Variants in ZNF606 observed in about 807,000 individuals in gnomAD.
ZNF606 encodes zinc finger protein 606.
ZNF606 carries 37 observed loss-of-function variants against 74.9 expected under a neutral mutation model. The observed-to-expected ratio is 0.49, with a 90% CI of 0.38 to 0.65. ZNF606 has a LOEUF of 0.65. Ranked by LOEUF, ZNF606 falls within the 30% of genes least tolerant of loss-of-function variation. The pLI, the probability that ZNF606 is intolerant of heterozygous loss-of-function variation, is 0.00. For synonymous variants in ZNF606, 328 were observed against 312.4 expected (o/e 1.05, Z -0.53); for missense variants, 852 against 952.9 (o/e 0.89, Z 1.39).
At chr19:57,987,357 C>T (rs553398836) in intron 6 of ZNF606, among the ~76,000 whole-genome samples, 2 of 152,204 alleles carry the variant, frequency 1.3e-5, no homozygotes, top group Admixed American at 1.3e-4. Context: ...GCAATCCTCA[C>T]CTCAGCCCCC....
In ZNF606 at chr19:57,978,181, T is replaced by C; in HGVS notation, c.*120A>G. ...TTTCTTCTAAGATGATATTTTCTAG[T>C]AAATAATGTGGGAGAAGTCTTACTG... On this transcript the variant is annotated 3_prime_UTR_variant, in exon 7 of 7. Coordinates refer to ENST00000551380, the MANE Select transcript of ZNF606 (RefSeq NM_001348022.3). The surrounding 1 kb of genome is among the most constrained non-coding windows in gnomAD (Gnocchi z 4.4). The C allele has an allele frequency of 2.0e-6, 2 of 1,012,138 alleles. No individual in the cohort carries two copies. Among genetic ancestry groups the C allele is most frequent in the Non-Finnish European group, 2.8e-6 (2 of 719,242 alleles). 62.7% of individuals were successfully genotyped at this position (1,012,138 alleles called of 1,614,324 possible).
chr19:57,989,749 G>T (rs532820557), intron 4 of ZNF606, among the ~76,000 whole-genome samples: 2 of 151,402 alleles, frequency 1.3e-5, no homozygotes, highest in Non-Finnish European at 2.9e-5. Context: ...ACCCAGCTTC[G>T]AGTCCTTTTA....
At chr19:58,001,644 T>C (rs1286636000) in intron 1 of ZNF606, among the ~76,000 whole-genome samples, 1 of 152,180 alleles carries the variant, frequency 6.6e-6, no homozygotes, top group African/African-American at 2.4e-5. Flanking sequence ...GATGGAACTT[T>C]TGGATTAATC....
chr19:57,983,239 T>C (rs2073114209), intron 6 of ZNF606, among the ~76,000 whole-genome samples: 1 of 152,084 alleles, frequency 6.6e-6, no homozygotes, highest in Non-Finnish European at 1.5e-5. Flanking sequence ...TCAGAATCTA[T>C]GTGAAGAGAG....
intron 1 of ZNF606, chr19:58,002,118 C>T (rs771760185): frequency 1.8e-5 from 8 of 454,412 alleles, no homozygotes; most frequent in African/African-American, 8.0e-5. Context: ...AGAATGCAAA[C>T]CGTACTTTGC....
At chr19:57,987,844 A>G (rs1039531652) in intron 6 of ZNF606, among the ~76,000 whole-genome samples, 4 of 152,198 alleles carry the variant, frequency 2.6e-5, no homozygotes, top group Non-Finnish European at 4.4e-5. Flanking sequence ...AACAAACTAA[A>G]AAGCCCAAAA....
At chr19:57,998,584 G>C (rs1172069911) in intron 4 of ZNF606, 1 of 152,066 alleles carries the variant, frequency 6.6e-6, no homozygotes, top group Admixed American at 6.6e-5. Flanking sequence ...ACTACTAATG[G>C]GTACAGGATT....
At chr19:57,999,767 C>T in intron 4 of ZNF606, 41 bp downstream of exon 4, 2 of 1,592,336 alleles carry the variant, frequency 1.3e-6, no homozygotes, top group African/African-American at 1.3e-5. Context: ...CCAGGGATAA[C>T]CTGGACATCA....
At chr19:57,987,916 T>C (rs2073188698) in intron 6 of ZNF606, among the ~76,000 whole-genome samples, 1 of 151,974 alleles carries the variant, frequency 6.6e-6, no homozygotes, top group Non-Finnish European at 1.5e-5. Flanking sequence ...ATACAGGAAA[T>C]AAGGAAAATA....
intron 6 of ZNF606, among the ~76,000 whole-genome samples, chr19:57,980,874 T>C (rs1310173944): frequency 6.7e-6 from 1 of 150,150 alleles, no homozygotes; most frequent in Non-Finnish European, 1.5e-5. Flanking sequence ...AAGAGTTAAC[T>C]CTGCAGGCCT....
At chr19:57,995,232 A>G (rs2073317832) in intron 4 of ZNF606, among the ~76,000 whole-genome samples, 1 of 151,722 alleles carries the variant, frequency 6.6e-6, no homozygotes, top group East Asian at 1.9e-4. Context: ...AAAACCAGGT[A>G]CAATTCTGCT....
Position 57,979,542 on chromosome 19 carries a change from C to T in ZNF606, c.1138G>A (p.Val380Ile). The change falls in exon 7 of 7, where the codon GTC (valine) becomes ATC (isoleucine). Residue 380 changes from valine (V) to isoleucine (I), a missense_variant. By Grantham distance (29) the Val-to-Ile change is conservative (BLOSUM62 3). This residue lies in a region of ZNF606 where 545 missense variants were observed against 542.5 expected (regional missense o/e 1.00). Coordinates refer to ENST00000551380, the MANE Select transcript of ZNF606 (RefSeq NM_001348022.3). ...GTAAGGAAAGAGTCATACCCAAAGA[C>T]TTTCTCCCATTCATTGTATTTATAC... ...KAYKYNEWEKVFGYDSFLTQH... is the reference protein window; with the variant it reads ...KAYKYNEWEKIFGYDSFLTQH... The T allele has an allele frequency of 6.2e-7, 1 of 1,613,104 alleles. No individual in the cohort carries two copies. The highest frequency in any genetic ancestry group is 8.5e-7 in the Non-Finnish European group (1 of 1,179,524).
intron 4 of ZNF606, chr19:57,997,263 A>T (rs999024007): frequency 6.6e-6 from 1 of 152,160 alleles, no homozygotes; most frequent in Non-Finnish European, 1.5e-5. Flanking sequence ...ATGAAATGAG[A>T]TATTATCATT....
chr19:57,999,949 C>G (rs2073393705), intron 3 of ZNF606, 53 bp from the exon 4 acceptor site: 1 of 1,565,900 alleles, frequency 6.4e-7, no homozygotes, highest in South Asian at 1.1e-5. Flanking sequence ...AGGAGCTCAC[C>G]TTTTCTTCTG....
Position 57,978,568 on chromosome 19 carries a change from T to A in ZNF606, c.2112A>T (p.Gly704=). The A allele has an allele frequency of 6.2e-7, 1 of 1,614,136 alleles. No homozygotes were observed. Among genetic ancestry groups the A allele is most frequent in the Non-Finnish European group, 8.5e-7 (1 of 1,180,024 alleles). The stretch of plus-strand genomic sequence containing the variant: ...ATTCATTACACCTGTATGGTTTCTC[T>A]CCAGTATGAGTTCTCCGGTGTGCAA... ...HLIAHRRTHT[G]EKPYRCNECG... The change falls in exon 7 of 7, where the codon GGA becomes GGT. Residue 704 remains glycine, a synonymous_variant. Coordinates refer to ENST00000551380, the MANE Select transcript of ZNF606 (RefSeq NM_001348022.3). The surrounding 1 kb of genome is among the most constrained non-coding windows in gnomAD (Gnocchi z 4.4).
At position 57,978,329 on chromosome 19, in the gene ZNF606, C is replaced by A. The variant is rs1234532924; in HGVS notation, c.2351G>T (p.Arg784Ile). The A allele has an allele frequency of 6.4e-7, 1 of 1,574,778 alleles. No homozygotes were observed. The highest frequency in any genetic ancestry group is 8.6e-7 in the Non-Finnish European group (1 of 1,159,546). The change falls in exon 7 of 7, where the codon AGA (arginine) becomes ATA (isoleucine). Residue 784 changes from arginine (R) to isoleucine (I), a missense_variant. Coordinates refer to ENST00000551380, the MANE Select transcript of ZNF606 (RefSeq NM_001348022.3). This position sits in a 1 kb window ranked among gnomAD's most constrained non-coding sequence, Gnocchi z 4.4. ...ATTCAGTTTCTCTTCACTGTGATTT[C>A]TCTGGTGTTGAAGTAGGGCTGAGTG... Reference protein sequence around the residue: ...SGHSALLQHQRNHSEEKLN With the variant: ...SGHSALLQHQINHSEEKLN
intron 1 of ZNF606, among the ~76,000 whole-genome samples, chr19:58,001,805 T>C (rs1463489580): frequency 1.3e-5 from 2 of 152,174 alleles, no homozygotes; most frequent in South Asian, 2.1e-4. Context: ...ATGGGGATGA[T>C]TGCACAACTT....
chr19:58,003,255 G>T, upstream of ZNF606: 1 of 456,714 alleles, frequency 2.2e-6, no homozygotes, highest in Non-Finnish European at 4.4e-6. Context: ...AAGCTCGACG[G>T]CTGAGAACGT....
At chr19:57,983,215 G>A (rs555569668) in intron 6 of ZNF606, among the ~76,000 whole-genome samples, 11 of 152,184 alleles carry the variant, frequency 7.2e-5, no homozygotes, top group Admixed American at 4.6e-4. Context: ...AAGAAAGTAC[G>A]GTCTCCCTGG....
Sources: allele counts gnomAD v4.1 joint callset (sites outside exome capture counted in the v4.1 genomes callset), GRCh38; gene constraint gnomAD v4.1.1; regional missense constraint gnomAD v4.1.1; non-coding constraint Gnocchi (gnomAD v3.1); transcripts MANE v1.5; gene names NCBI Gene and HGNC (gene_info 2026-07-23, HGNC 2026-07-21).